PRKCQ: variants seen among roughly 807,000 people sequenced by gnomAD.
The protein encoded by PRKCQ is protein kinase C theta, also known as protein kinase C theta type.
PRKCQ carries 41 observed loss-of-function variants against 91.2 expected under a neutral mutation model. That is an observed-to-expected ratio of 0.45 (90% CI 0.35 to 0.58). PRKCQ has a LOEUF of 0.58. Ranked by LOEUF, PRKCQ falls within the 20% of genes least tolerant of loss-of-function variation. PRKCQ has a pLI of 0.00. For synonymous variants in PRKCQ, 307 were observed against 316.9 expected, an observed-to-expected ratio of 0.97 and a Z score of 0.33; for missense variants, 673 against 896.5, an observed-to-expected ratio of 0.75 and a Z score of 3.18.
chr10:6,418,650 G>A, the PRKCQ span, among the ~76,000 whole-genome samples: 2 of 152,146 alleles, frequency 1.3e-5, no homozygotes, highest in Non-Finnish European at 1.5e-5. Flanking sequence ...GAAGCCTGGC[G>A]ACTGATCCAT....
chr10:6,570,146 G>A (rs1389138057), intron 1 of PRKCQ, among the ~76,000 whole-genome samples: 1 of 152,180 alleles, frequency 6.6e-6, no homozygotes, highest in Non-Finnish European at 1.5e-5. Flanking sequence ...CTGGTTGCAG[G>A]AAGTCAGGTA....
In PRKCQ at chr10:6,551,482, C is replaced by T. The variant is rs200871132; in HGVS notation, c.-10+28729G>A. Among the ~76,000 whole-genome samples the T allele has an allele frequency of 2.5e-4, 38 of 151,758 alleles. No homozygotes were observed. In the East Asian group the frequency reaches 3.1e-3, roughly 12 times the overall value. On this transcript the variant is annotated intron_variant, in intron 1 of 17. Coordinates refer to ENST00000263125, the MANE Select transcript of PRKCQ (RefSeq NM_006257.5). Reference sequence around the variant, plus strand: ...CACCATCTCAGCTCACTGCAAGCTCCGCCTCCTGGGTTCATGCCATTCTCC... The same window carrying T: ...CACCATCTCAGCTCACTGCAAGCTCTGCCTCCTGGGTTCATGCCATTCTCC...
intron 7 of PRKCQ, among the ~76,000 whole-genome samples, chr10:6,494,476 C>CA (rs5782905): frequency 0.99 from 150,532 of 152,248 alleles, 74,441 homozygotes; most frequent in East Asian, 1. Context: ...AGTCACCCTT[C>CA]TGCAGGTCAA....
At chr10:6,571,177 G>A (rs1174895036) in intron 1 of PRKCQ, among the ~76,000 whole-genome samples, 1 of 151,924 alleles carries the variant, frequency 6.6e-6, no homozygotes, top group Non-Finnish European at 1.5e-5. Context: ...GTGTTTTCCG[G>A]GAGAACTCAT....
chr10:6,495,645 G>A (rs112271544), intron 7 of PRKCQ, among the ~76,000 whole-genome samples: 12 of 152,188 alleles, frequency 7.9e-5, no homozygotes, highest in African/African-American at 1.2e-4. Flanking sequence ...GACCACGTCT[G>A]TTTTGTGTTA....
chr10:6,408,046 G>GTTTTTTTTTTTTTTTTTTTTTTTT, the PRKCQ span, among the ~76,000 whole-genome samples: 1 of 84,228 alleles, frequency 1.2e-5, no homozygotes, highest in African/African-American at 5.6e-5. Flanking sequence ...TCTTGTGTCA[G>GTTTTTTTTTTTTTTTTTTTTTTTT]TTTTTTTTTT....
At chr10:6,464,125 A>G (rs991912720) in intron 13 of PRKCQ, among the ~76,000 whole-genome samples, 188 bp downstream of exon 13, 4 of 152,222 alleles carry the variant, frequency 2.6e-5, no homozygotes, top group Non-Finnish European at 5.9e-5. Flanking sequence ...TAAATCACAG[A>G]GAAATGAAAC....
chr10:6,576,479 A>G lies in PRKCQ; in HGVS notation c.-10+3732T>C, dbSNP rs1170397442. On this transcript the variant is annotated intron_variant, in intron 1 of 17. Coordinates refer to ENST00000263125, the MANE Select transcript of PRKCQ (RefSeq NM_006257.5). This position sits in a 1 kb window ranked among gnomAD's most constrained non-coding sequence, Gnocchi z 4.2. The stretch of plus-strand genomic sequence containing the variant: ...ATGGATACTGTATTCTGCTTCTGTG[A>G]GGTCCCTAGAGCAGTCAGAATCTTA... 2.6e-5 allele frequency among the ~76,000 whole-genome samples: 4 copies of G among 152,218 alleles called. No individual in the cohort carries two copies. Among genetic ancestry groups the G allele is most frequent in the Non-Finnish European group, 5.9e-5 (4 of 68,036 alleles).
At chr10:6,540,704 T>C (rs996377955) in intron 1 of PRKCQ, among the ~76,000 whole-genome samples, 1 of 152,198 alleles carries the variant, frequency 6.6e-6, no homozygotes, top group Non-Finnish European at 1.5e-5. Context: ...GAGTTTAGTG[T>C]ACAAGTATCT....
chr10:6,541,255 A>G (rs1839766418), intron 1 of PRKCQ, among the ~76,000 whole-genome samples: 1 of 152,224 alleles, frequency 6.6e-6, no homozygotes, highest in African/African-American at 2.4e-5. Context: ...CTCTGCGTAA[A>G]GGCTTTTGCC....
At chr10:6,573,111 A>C (rs896448131) in intron 1 of PRKCQ, among the ~76,000 whole-genome samples, 4 of 152,340 alleles carry the variant, frequency 2.6e-5, no homozygotes, top group African/African-American at 9.6e-5. Flanking sequence ...TTCCTACATG[A>C]AATGCATCTT....
At chr10:6,433,114 T>C (rs553565264) in intron 16 of PRKCQ, among the ~76,000 whole-genome samples, 2 of 152,348 alleles carry the variant, frequency 1.3e-5, no homozygotes, top group East Asian at 1.9e-4. Context: ...CCAATGTTCT[T>C]TGAGAGGCAG....
At chr10:6,398,293 G>C in the PRKCQ span, among the ~76,000 whole-genome samples, 1 of 152,160 alleles carries the variant, frequency 6.6e-6, no homozygotes, top group African/African-American at 2.4e-5. Context: ...TCACTGTGTA[G>C]TAAGTTTTGA....
chr10:6,474,319 C>T (rs774380387), intron 12 of PRKCQ, among the ~76,000 whole-genome samples: 1 of 152,154 alleles, frequency 6.6e-6, no homozygotes, highest in Non-Finnish European at 1.5e-5. Context: ...CCTGAGGGAA[C>T]GACCCAGAGA....
intron 1 of PRKCQ, among the ~76,000 whole-genome samples, chr10:6,521,629 C>T (rs964898789): frequency 1.3e-5 from 2 of 152,328 alleles, no homozygotes; most frequent in Admixed American, 6.5e-5. Flanking sequence ...GCCTTCTCAA[C>T]TTCATTGGTG....
At chr10:6,453,513 G>A (rs1459706552) in intron 15 of PRKCQ, among the ~76,000 whole-genome samples, 5 of 152,166 alleles carry the variant, frequency 3.3e-5, no homozygotes, top group South Asian at 2.1e-4. Context: ...TCAGTGTGGC[G>A]ATTCCTCAGG....
intron 1 of PRKCQ, among the ~76,000 whole-genome samples, chr10:6,535,100 G>A (rs74114317): frequency 0.01 from 1,595 of 152,326 alleles, 27 homozygotes; most frequent in African/African-American, 0.037. Flanking sequence ...GAGCTTGTAA[G>A]TAACCTGGCT....
chr10:6,415,411 T>C, the PRKCQ span, among the ~76,000 whole-genome samples: 6 of 4,208 alleles, frequency 1.4e-3, no homozygotes, highest in Admixed American at 4.7e-3. Flanking sequence ...AATACATATA[T>C]ATATATATAT....
intron 14 of PRKCQ, 53 bp downstream of exon 14, chr10:6,462,250 C>T (rs1835390324): frequency 6.6e-7 from 1 of 1,525,834 alleles, no homozygotes; most frequent in African/African-American, 1.4e-5. Flanking sequence ...ATTAAATTAA[C>T]TGAGCCAGGA....
Sources: allele counts gnomAD v4.1 joint callset (sites outside exome capture counted in the v4.1 genomes callset), GRCh38; gene constraint gnomAD v4.1.1; non-coding constraint Gnocchi (gnomAD v3.1); transcripts MANE v1.5; gene names NCBI Gene and HGNC (gene_info 2026-07-23, HGNC 2026-07-21).